Variants in LHFPL2 observed in about 807,000 individuals in gnomAD.
LHFPL2 encodes the protein LHFPL tetraspan subfamily member 2 protein.
A neutral mutation model predicts 17.5 loss-of-function variants in LHFPL2; 7 were observed. That is an observed-to-expected ratio of 0.40 (90% CI 0.23 to 0.75). The LOEUF is 0.75. LHFPL2 is among the 30% of genes least tolerant of loss of function. LHFPL2 has a pLI of 0.37. For synonymous variants in LHFPL2, 134 were observed against 116.2 expected (o/e 1.15, Z -0.99); for missense variants, 241 against 294.8 (o/e 0.82, Z 1.34).
intron 1 of LHFPL2, among the ~76,000 whole-genome samples, chr5:78,637,335 T>G (rs1745487114): frequency 6.6e-6 from 1 of 151,710 alleles, no homozygotes; most frequent in Non-Finnish European, 1.5e-5. Context: ...CCTAATCTAG[T>G]TAAACTTATG....
chr5:78,518,135 CTTTTAATGCCACTGCTTTATAGGAA>C (rs1755344198), intron 3 of LHFPL2, among the ~76,000 whole-genome samples: 1 of 152,180 alleles, frequency 6.6e-6, no homozygotes. Flanking sequence ...CAGGAGTTGC[CTTTTAATGCCACTGCTTTATAGGAA>C]TTTTAAATGA....
chr5:78,512,150 C>T (rs1755149142), intron 3 of LHFPL2, among the ~76,000 whole-genome samples: 2 of 152,078 alleles, frequency 1.3e-5, no homozygotes, highest in Admixed American at 1.3e-4. Context: ...ACCGTTCAGA[C>T]AACTATTGAT....
chr5:78,579,574 T>C lies in LHFPL2; in HGVS notation c.-244-14703A>G, dbSNP rs1420084325. On this transcript the variant is annotated intron_variant, in intron 2 of 4. Coordinates refer to ENST00000380345, the MANE Select transcript of LHFPL2 (RefSeq NM_005779.3). ...GTTCTCATTGTTCAATTCCCACCTA[T>C]GAGTGAGAATATGCGGTGTTTGGTT... is the stretch of plus-strand genomic sequence containing the variant. Among the ~76,000 whole-genome samples, 5 of 151,842 alleles carry C rather than the reference T, an allele frequency of 3.3e-5. No homozygotes were observed. The East Asian group carries it at 7.7e-4, about 23-fold the overall frequency.
chr5:78,553,671 A>T (rs1756502827), intron 3 of LHFPL2, among the ~76,000 whole-genome samples: 1 of 152,230 alleles, frequency 6.6e-6, no homozygotes, highest in African/African-American at 2.4e-5. Context: ...GTCCACTGAC[A>T]GCACTGATTC....
chr5:78,564,632 G>T (rs1160408195), intron 3 of LHFPL2, among the ~76,000 whole-genome samples, 181 bp downstream of exon 3: 1 of 152,152 alleles, frequency 6.6e-6, no homozygotes, highest in Admixed American at 6.5e-5. Flanking sequence ...ACTTCACAGG[G>T]TTGTTTATAA....
intron 3 of LHFPL2, among the ~76,000 whole-genome samples, chr5:78,545,485 C>T (rs1376271873): frequency 2.0e-5 from 3 of 152,292 alleles, no homozygotes; most frequent in Non-Finnish European, 4.4e-5. Context: ...GACCTCATGG[C>T]TTGAAAGAGT....
intron 3 of LHFPL2, among the ~76,000 whole-genome samples, chr5:78,524,945 C>T (rs1282432760): frequency 2.0e-5 from 3 of 152,108 alleles, no homozygotes; most frequent in Non-Finnish European, 2.9e-5. Context: ...ATACTTGGTA[C>T]TCCTTGAGTA....
At chr5:78,616,753 T>C (rs115172043) in intron 2 of LHFPL2, among the ~76,000 whole-genome samples, 304 of 148,870 alleles carry the variant, frequency 2.0e-3, no homozygotes, top group African/African-American at 7.3e-3. Context: ...AGTCTGACTC[T>C]TCTCAATGAC....
At position 78,488,989 on chromosome 5, in the gene LHFPL2, C is replaced by T. The variant is rs931082138; in HGVS notation, c.595G>A (p.Ala199Thr). 22 of 1,614,070 alleles carry T rather than the reference C, an allele frequency of 1.4e-5. No individual in the cohort carries two copies. The highest frequency in any genetic ancestry group is 1.9e-5 in the Non-Finnish European group (22 of 1,180,038). The stretch of plus-strand genomic sequence containing the variant: ...ATTTCTGCTTGTGCAGAGAAGACAG[C>T]ACAGATGAAAGTGAGGACTGTGCCC... Reference protein sequence around the residue: ...IGGTVLTFICAVFSAQAEIAT... With the variant: ...IGGTVLTFICTVFSAQAEIAT... Residue 199 changes from alanine (A) to threonine (T), a missense_variant, in exon 5 of 5, where the codon GCT (alanine) becomes ACT (threonine). Coordinates refer to ENST00000380345, the MANE Select transcript of LHFPL2 (RefSeq NM_005779.3).
intron 3 of LHFPL2, among the ~76,000 whole-genome samples, chr5:78,516,453 G>T (rs1379472019): frequency 1.3e-5 from 2 of 152,152 alleles, no homozygotes; most frequent in East Asian, 3.9e-4. Context: ...CACAGCTGTG[G>T]GGGTAGGGGT....
intron 2 of LHFPL2, among the ~76,000 whole-genome samples, chr5:78,602,518 T>C (rs1744054560): frequency 6.6e-6 from 1 of 152,248 alleles, no homozygotes; most frequent in South Asian, 2.1e-4. Flanking sequence ...TTGATTTAGA[T>C]TTAGTCTTCA....
intron 2 of LHFPL2, among the ~76,000 whole-genome samples, chr5:78,615,878 T>A (rs536932155): frequency 6.6e-6 from 1 of 152,204 alleles, no homozygotes; most frequent in East Asian, 1.9e-4. Context: ...AAGGGCAATG[T>A]TCTGGAAAGC....
intron 2 of LHFPL2, among the ~76,000 whole-genome samples, chr5:78,594,260 C>T (rs189474501): frequency 6.6e-6 from 1 of 152,270 alleles, no homozygotes; most frequent in Admixed American, 6.5e-5. Context: ...TAACTCTGTT[C>T]CCCTATTTTT....
chr5:78,523,678 C>T (rs1354885386), intron 3 of LHFPL2, among the ~76,000 whole-genome samples: 1 of 152,140 alleles, frequency 6.6e-6, no homozygotes, highest in Non-Finnish European at 1.5e-5. Flanking sequence ...GCCTGAGAAA[C>T]AAACATTTCC....
intron 2 of LHFPL2, among the ~76,000 whole-genome samples, chr5:78,587,338 CA>C (rs1430420792): frequency 6.6e-6 from 1 of 152,192 alleles, no homozygotes; most frequent in Non-Finnish European, 1.5e-5. Flanking sequence ...GTAGACACTG[CA>C]AGCTAACCAT....
intron 2 of LHFPL2, among the ~76,000 whole-genome samples, chr5:78,577,582 T>G (rs914593725): frequency 6.6e-6 from 1 of 152,170 alleles, no homozygotes; most frequent in East Asian, 1.9e-4. Context: ...CGGGTCCATT[T>G]GCCTGGCTCA....
At chr5:78,641,922 C>CACACACACACACACACAT (rs1745674941) in intron 1 of LHFPL2, 2 of 132,256 alleles carry the variant, frequency 1.5e-5, no homozygotes, top group African/African-American at 6.2e-5. Flanking sequence ...CACACACACA[C>CACACACACACACACACAT]ACACACACAC....
chr5:78,498,977 C>T lies in LHFPL2; in HGVS notation c.431-9824G>A, dbSNP rs1754692248. ...AGTGGTAAAGAGTGTTCCTATTCCT[C>T]AGTTTCTATGTCTCCAGCCCTATCC... On this transcript the variant is annotated intron_variant, in intron 4 of 4. Coordinates refer to ENST00000380345, the MANE Select transcript of LHFPL2 (RefSeq NM_005779.3). Among the ~76,000 whole-genome samples, 3 of 152,298 alleles carry T rather than the reference C, an allele frequency of 2.0e-5. No homozygotes were observed. In the South Asian group the frequency reaches 6.2e-4, roughly 32 times the overall value.
chr5:78,640,097 T>C (rs1745616165), intron 1 of LHFPL2, among the ~76,000 whole-genome samples: 1 of 152,144 alleles, frequency 6.6e-6, no homozygotes, highest in African/African-American at 2.4e-5. Context: ...AAAGAGTCCC[T>C]CTTAATTTTC....
Sources: allele counts gnomAD v4.1 joint callset (sites outside exome capture counted in the v4.1 genomes callset), GRCh38; gene constraint gnomAD v4.1.1; transcripts MANE v1.5; gene names NCBI Gene and HGNC (gene_info 2026-07-23, HGNC 2026-07-21).